The following SCOC variants were observed in gnomAD, a reference collection of about 807,000 sequenced individuals.
SCOC encodes short coiled coil protein.
SCOC carries 7 observed loss-of-function variants against 9.9 expected under a neutral mutation model. The observed-to-expected ratio is 0.71, with a 90% confidence interval of 0.40 to 1.33. The LOEUF (loss-of-function observed/expected upper bound fraction) is 1.33. Ranked by LOEUF, SCOC falls within the 40% of genes most tolerant of loss-of-function variation. SCOC has a pLI of 0.01. For synonymous variants in SCOC, 19 were observed against 28.2 expected, an observed-to-expected ratio of 0.67 and a Z score of 1.03; for missense variants, 66 against 89.7, an observed-to-expected ratio of 0.74 and a Z score of 1.07.
chr4:140,317,306 T>C (rs1298766797), intron 1 of SCOC, among the ~76,000 whole-genome samples: 5 of 152,220 alleles, frequency 3.3e-5, no homozygotes, highest in Non-Finnish European at 5.9e-5. Flanking sequence ...AAATGGAATC[T>C]ACAGGCAGAT....
intron 1 of SCOC, among the ~76,000 whole-genome samples, chr4:140,261,158 C>T (rs986978535): frequency 6.6e-6 from 1 of 152,186 alleles, no homozygotes; most frequent in African/African-American, 2.4e-5. Flanking sequence ...TGACCTATTA[C>T]CTTTCATCCA....
chr4:140,268,157 G>T (rs1319012229), intron 1 of SCOC, among the ~76,000 whole-genome samples: 5 of 152,202 alleles, frequency 3.3e-5, no homozygotes, highest in Non-Finnish European at 5.9e-5. Context: ...AGAGAGCAGA[G>T]AAAGCTCATG....
At chr4:140,262,946 A>G (rs1730663251) in intron 1 of SCOC, among the ~76,000 whole-genome samples, 2 of 152,158 alleles carry the variant, frequency 1.3e-5, no homozygotes, top group African/African-American at 2.4e-5. Flanking sequence ...CCATGATCCA[A>G]TCACCTCCTG....
chr4:140,326,022 A>C (rs1402540659), intron 1 of SCOC, among the ~76,000 whole-genome samples: 1 of 152,230 alleles, frequency 6.6e-6, no homozygotes, highest in Non-Finnish European at 1.5e-5. Context: ...TTATCGATTT[A>C]CACAACAACA....
intron 1 of SCOC, among the ~76,000 whole-genome samples, chr4:140,325,580 AG>A (rs1732621674): frequency 6.6e-6 from 1 of 152,180 alleles, no homozygotes; most frequent in African/African-American, 2.4e-5. Flanking sequence ...TAAATATAAA[AG>A]AGGTGTTCAG....
intron 2 of SCOC, among the ~76,000 whole-genome samples, chr4:140,362,305 T>TCTTCTTCTTCTTCTTC (rs1357436782): frequency 1.1e-4 from 1 of 9,236 alleles, no homozygotes. Context: ...TCTTCTTTTT[T>TCTTCTTCTTCTTCTTC]TTTTTTTTTT....
intron 2 of SCOC, among the ~76,000 whole-genome samples, chr4:140,360,053 T>C (rs1331609272): frequency 6.6e-6 from 1 of 152,194 alleles, no homozygotes; most frequent in Non-Finnish European, 1.5e-5. Flanking sequence ...GAAATAAGAC[T>C]GACAGGTCCC....
intron 3 of SCOC, among the ~76,000 whole-genome samples, chr4:140,380,453 C>T (rs1415821490): frequency 6.6e-6 from 1 of 152,078 alleles, no homozygotes; most frequent in Non-Finnish European, 1.5e-5. Context: ...CCGCCTCGGC[C>T]TCCCAAAGTG....
At chr4:140,285,194 C>A (rs183951418) in intron 1 of SCOC, 1 of 456,710 alleles carries the variant, frequency 2.2e-6, no homozygotes, top group Non-Finnish European at 4.4e-6. Flanking sequence ...AAGTTGTGTT[C>A]GATAGACATC....
chr4:140,369,292 GTTATATTC>G (rs780519782), upstream of SCOC: 8 of 446,554 alleles, frequency 1.8e-5, no homozygotes, highest in Admixed American at 5.0e-5. Context: ...TAACAAATAG[GTTATATTC>G]TTTACTCACC....
chr4:140,300,782 G>C (rs527276617), intron 1 of SCOC, among the ~76,000 whole-genome samples: 8 of 152,324 alleles, frequency 5.3e-5, no homozygotes, highest in Non-Finnish European at 1.0e-4. Flanking sequence ...TGTCTAAGTG[G>C]TTTTAAGGAA....
chr4:140,384,755 G>A lies in SCOC; in HGVS notation c.*3651G>A, dbSNP rs931473043. ...TTACATGCTGGTAGAATAATGTTTG[G>A]TAGGGAAAAATCAGCATACTCCTTG... is the stretch of plus-strand genomic sequence containing the variant. On this transcript the variant is annotated 3_prime_UTR_variant, in exon 4 of 4. Transcript: ENST00000608372. 6.6e-6 allele frequency: 1 copy of A among 152,104 alleles called. No homozygotes were observed. The highest frequency in any genetic ancestry group is 2.4e-5 in the African/African-American group (1 of 41,402). 9.4% of individuals were successfully genotyped at this position (152,104 alleles called of 1,614,324 possible). A position where few individuals can be genotyped will look rare whatever the true frequency, so the allele number is the denominator to read the frequency against.
Position 140,313,399 on chromosome 4 carries a change from G to A in SCOC, c.-18-30222G>A, listed in dbSNP as rs543814245. Reference sequence around the variant, plus strand: ...CCTGAGGAACTGGGATCATAGGCCCGTGTCACCACACCCAGCTAATTTTTG... The same window carrying A: ...CCTGAGGAACTGGGATCATAGGCCCATGTCACCACACCCAGCTAATTTTTG... On this transcript the variant is annotated intron_variant, in intron 1 of 4. Coordinates refer to the SCOC transcript ENST00000394205. Among the ~76,000 whole-genome samples the A allele has an allele frequency of 5.3e-5, 8 of 152,218 alleles. No homozygotes were observed. In the South Asian group the frequency reaches 8.3e-4, roughly 16 times the overall value.
At chr4:140,369,662 T>C (rs1727956291), upstream of SCOC, among the ~76,000 whole-genome samples, 2 of 152,114 alleles carry the variant, frequency 1.3e-5, no homozygotes, top group East Asian at 3.9e-4. Context: ...ATATATTGCC[T>C]TGTACAGTTT....
chr4:140,269,988 T>C (rs1375306025), intron 1 of SCOC, among the ~76,000 whole-genome samples: 1 of 152,184 alleles, frequency 6.6e-6, no homozygotes, highest in Non-Finnish European at 1.5e-5. Flanking sequence ...TGGCCTCAAC[T>C]GATCCTCCTG....
At chr4:140,304,102 G>A (rs1731892305) in intron 1 of SCOC, among the ~76,000 whole-genome samples, 1 of 152,068 alleles carries the variant, frequency 6.6e-6, no homozygotes, top group Admixed American at 6.6e-5. Flanking sequence ...TGGTGCTTAG[G>A]GAGAAACCTA....
chr4:140,267,806 C>A (rs763335603), intron 1 of SCOC, among the ~76,000 whole-genome samples: 1 of 152,142 alleles, frequency 6.6e-6, no homozygotes, highest in African/African-American at 2.4e-5. Context: ...GCTGGCCTCT[C>A]GGCTCCTCCA....
At chr4:140,261,612 C>A (rs1267745279) in intron 1 of SCOC, among the ~76,000 whole-genome samples, 1 of 152,186 alleles carries the variant, frequency 6.6e-6, no homozygotes, top group Non-Finnish European at 1.5e-5. Flanking sequence ...GTGATGAATA[C>A]AAAAATGAAT....
At chr4:140,376,311 A>G (rs1361822496) in intron 1 of SCOC, 2 of 152,254 alleles carry the variant, frequency 1.3e-5, no homozygotes, top group African/African-American at 4.8e-5. Context: ...TTAATACAAT[A>G]GTAGCATTTT....
Sources: allele counts gnomAD v4.1 joint callset (sites outside exome capture counted in the v4.1 genomes callset), GRCh38; gene constraint gnomAD v4.1.1; transcripts MANE v1.5; gene names NCBI Gene and HGNC (gene_info 2026-07-23, HGNC 2026-07-21).